LPCAT2: variants seen among roughly 807,000 people sequenced by gnomAD.
The protein encoded by LPCAT2 is lysophosphatidylcholine acyltransferase 2.
In LPCAT2, 58 loss-of-function variants were observed where a neutral mutation model predicts 64.7. The observed-to-expected ratio is 0.90, with a 90% CI of 0.73 to 1.12. The LOEUF (loss-of-function observed/expected upper bound fraction) is 1.12, where lower values mean the gene tolerates loss of function less well. Ranked by LOEUF, LPCAT2 falls within the 50% of genes most tolerant of loss-of-function variation. LPCAT2 has a pLI of 0.00. For synonymous variants in LPCAT2, 252 were observed against 245.3 expected, an observed-to-expected ratio of 1.03 and a Z score of -0.26; for missense variants, 579 against 669.8, an observed-to-expected ratio of 0.86 and a Z score of 1.50.
intron 11 of LPCAT2, among the ~76,000 whole-genome samples, chr16:55,566,092 A>G (rs1402977889): frequency 6.6e-6 from 1 of 152,166 alleles, no homozygotes; most frequent in Non-Finnish European, 1.5e-5. Context: ...TTTGTGATTT[A>G]TATGATACAT....
At chr16:55,524,615 G>T (rs1420950132) in intron 1 of LPCAT2, among the ~76,000 whole-genome samples, 1 of 151,888 alleles carries the variant, frequency 6.6e-6, no homozygotes, top group Non-Finnish European at 1.5e-5. Flanking sequence ...ATTTGATGGT[G>T]CTCAGAATCA....
rs759249418 is a variant in LPCAT2 at position 55,532,845 on chromosome 16, C to T, written c.725C>T (p.Pro242Leu). 1.9e-6 allele frequency: 3 copies of T among 1,611,982 alleles called. No individual in the cohort carries two copies. The highest frequency in any genetic ancestry group is 2.5e-6 in the Non-Finnish European group (3 of 1,178,678). Residue 242 changes from proline to leucine, a missense_variant, in exon 6 of 14, where the codon CCA becomes CTA. Transcript: ENST00000262134. ...GCAGGAGCCTTCATTCCAGGAGTTC[C>T]AGTGCAGCCAGTCCTCCTCAGATAC... Reference protein sequence around the residue: ...FKPGAFIPGVPVQPVLLRYPN... With the variant: ...FKPGAFIPGVLVQPVLLRYPN...
chr16:55,547,005 G>C (rs1446974992), intron 9 of LPCAT2, among the ~76,000 whole-genome samples: 1 of 152,054 alleles, frequency 6.6e-6, no homozygotes, highest in South Asian at 2.1e-4. Flanking sequence ...AAATTAGCCA[G>C]GCATTATGGC....
At chr16:55,577,772 A>C (rs1362576958) in intron 12 of LPCAT2, among the ~76,000 whole-genome samples, 2 of 151,886 alleles carry the variant, frequency 1.3e-5, no homozygotes, top group Admixed American at 6.6e-5. Flanking sequence ...CCCTTCCTAA[A>C]ATAACCTCTT....
At chr16:55,558,986 T>C (rs1167521250) in intron 11 of LPCAT2, among the ~76,000 whole-genome samples, 4 of 152,170 alleles carry the variant, frequency 2.6e-5, no homozygotes, top group Non-Finnish European at 4.4e-5. Context: ...AGACTCTTTA[T>C]TATTGACTAA....
At chr16:55,525,726 C>A in intron 2 of LPCAT2, 79 bp downstream of exon 2, 1 of 1,097,594 alleles carries the variant, frequency 9.1e-7, no homozygotes, top group Non-Finnish European at 1.2e-6. Context: ...AAGAGTTCAT[C>A]ATAGTTTAGT....
chr16:55,581,676 T>A (rs1261318371), intron 13 of LPCAT2, among the ~76,000 whole-genome samples: 3 of 152,234 alleles, frequency 2.0e-5, no homozygotes, highest in Admixed American at 6.5e-5. Context: ...TTAGTTAACA[T>A]TATTTTATTA....
chr16:55,537,724 C>A, intron 8 of LPCAT2, 92 bp downstream of exon 8: 2 of 1,006,130 alleles, frequency 2.0e-6, no homozygotes, highest in Non-Finnish European at 3.0e-6. Flanking sequence ...TATAAAGGTC[C>A]ATCACCAGGT....
chr16:55,530,013 C>G, intron 4 of LPCAT2, 66 bp downstream of exon 4: 1 of 1,179,714 alleles, frequency 8.5e-7, no homozygotes, highest in African/African-American at 1.5e-5. Flanking sequence ...TGTAGACTTA[C>G]TCATTTGGAT....
intron 8 of LPCAT2, chr16:55,540,563 GTTTA>G (rs1421090219): frequency 6.6e-6 from 1 of 152,076 alleles, no homozygotes; most frequent in Non-Finnish European, 1.5e-5. Context: ...GCCGCAGCTA[GTTTA>G]TGAATGGAAA....
At chr16:55,552,182 A>G (rs1250318956) in intron 11 of LPCAT2, among the ~76,000 whole-genome samples, 4 of 152,208 alleles carry the variant, frequency 2.6e-5, no homozygotes, top group African/African-American at 2.4e-5. Context: ...TGTCATATAA[A>G]TGGAATCATA....
chr16:55,512,183 T>C (rs1466056915), intron 1 of LPCAT2, among the ~76,000 whole-genome samples: 1 of 152,234 alleles, frequency 6.6e-6, no homozygotes, highest in Non-Finnish European at 1.5e-5. Context: ...TTATAGGAAA[T>C]AAGACTGATA....
At chr16:55,545,463 C>G (rs1218375715) in intron 8 of LPCAT2, 1 of 270,762 alleles carries the variant, frequency 3.7e-6, no homozygotes, top group Non-Finnish European at 6.9e-6. Flanking sequence ...CTTGTTTCAC[C>G]CTCACAATCA....
chr16:55,542,175 A>G, intron 8 of LPCAT2: 1 of 260,174 alleles, frequency 3.8e-6, no homozygotes, highest in Non-Finnish European at 7.3e-6. Flanking sequence ...AGTAGGCTGA[A>G]GAATTTTATA....
At chr16:55,534,938 C>G (rs1963305475) in intron 7 of LPCAT2, among the ~76,000 whole-genome samples, 1 of 152,154 alleles carries the variant, frequency 6.6e-6, no homozygotes, top group Admixed American at 6.6e-5. Context: ...ACCAAGATTT[C>G]AGTTCTGCTC....
At chr16:55,561,601 A>T (rs1176738807) in intron 11 of LPCAT2, among the ~76,000 whole-genome samples, 1 of 151,994 alleles carries the variant, frequency 6.6e-6, no homozygotes, top group Non-Finnish European at 1.5e-5. Context: ...ACCACAGCAA[A>T]AAAACACTTC....
chr16:55,542,376 A>G (rs915281036), intron 8 of LPCAT2, among the ~76,000 whole-genome samples: 5 of 152,170 alleles, frequency 3.3e-5, no homozygotes, highest in Non-Finnish European at 1.5e-5. Context: ...TGTGAAGCCA[A>G]TTTCAGGTGC....
chr16:55,551,198 GTTAGAAGAAT>G (rs1200611368), intron 11 of LPCAT2, 96 bp downstream of exon 11: 1 of 1,134,492 alleles, frequency 8.8e-7, no homozygotes, highest in African/African-American at 1.5e-5. Context: ...ATAGGTCAGT[GTTAGAAGAAT>G]CAAGGCTGAG....
chr16:55,567,040 T>TG (rs757410772), intron 11 of LPCAT2: 13 of 1,613,778 alleles, frequency 8.1e-6, no homozygotes, highest in Non-Finnish European at 1.1e-5. Context: ...GACATGGAGG[T>TG]GGGTGCCACT....
Sources: gnomAD v4.1 joint callset for allele counts (sites outside exome capture counted in the v4.1 genomes callset) on GRCh38, gnomAD v4.1.1 for gene constraint, MANE v1.5 for transcripts, NCBI Gene and HGNC (gene_info 2026-07-23, HGNC 2026-07-21) for gene names.